The following TMPRSS4 variants were observed in gnomAD, a reference collection of about 807,000 sequenced individuals.
TMPRSS4 encodes transmembrane serine protease 4.
TMPRSS4 carries 45 observed loss-of-function variants against 56.4 expected under a neutral mutation model. The ratio of observed to expected loss-of-function variants is 0.80; its 90% CI spans 0.63 to 1.02. The LOEUF is 1.02. TMPRSS4 is among the 50% of genes least tolerant of loss of function. The pLI is 0.00. For missense variants in TMPRSS4, 546 were observed against 556.7 expected (o/e 0.98, Z 0.19); for synonymous variants, 205 against 211.0 (o/e 0.97, Z 0.25).
In TMPRSS4 at chr11:118,077,087, A is replaced by G. The variant is rs1442226640; in HGVS notation, c.-216A>G. 7.9e-5 allele frequency: 43 copies of G among 542,592 alleles called. No individual in the cohort carries two copies. Among genetic ancestry groups the G allele is most frequent in the Non-Finnish European group, 2.6e-5 (8 of 305,982 alleles). 33.6% of individuals were successfully genotyped at this position (542,592 alleles called of 1,614,324 possible). A position where few individuals can be genotyped will look rare whatever the true frequency, so the allele number is the denominator to read the frequency against. On this transcript the variant is annotated 5_prime_UTR_variant, in exon 1 of 13. Coordinates refer to ENST00000437212, the MANE Select transcript of TMPRSS4 (RefSeq NM_019894.4). ...CCAAAGTCCCCCAATCACTCCTGGAATACACAGAGAGAGGCAGCAGCTTGC... is the reference window on the plus strand; with the variant it reads ...CCAAAGTCCCCCAATCACTCCTGGAGTACACAGAGAGAGGCAGCAGCTTGC...
chr11:118,096,340 C>T (rs575239305), intron 2 of TMPRSS4, among the ~76,000 whole-genome samples: 2 of 152,214 alleles, frequency 1.3e-5, no homozygotes, highest in Admixed American at 1.3e-4. Context: ...CCTAAGCTTT[C>T]CTTTGTTAAC....
At chr11:118,113,632 A>G (rs1947397823) in intron 9 of TMPRSS4, among the ~76,000 whole-genome samples, 197 bp downstream of exon 9, 1 of 152,108 alleles carries the variant, frequency 6.6e-6, no homozygotes, top group Admixed American at 6.5e-5. Flanking sequence ...CCTCCACTCC[A>G]TTCCCTGCCA....
At chr11:118,096,085 T>G (rs1249372763) in intron 2 of TMPRSS4, among the ~76,000 whole-genome samples, 1 of 152,180 alleles carries the variant, frequency 6.6e-6, no homozygotes, top group Non-Finnish European at 1.5e-5. Flanking sequence ...TTCCCAGAGG[T>G]AGATGCTCAA....
At chr11:118,079,913 G>C (rs977506645) in intron 1 of TMPRSS4, among the ~76,000 whole-genome samples, 5 of 152,200 alleles carry the variant, frequency 3.3e-5, no homozygotes, top group Non-Finnish European at 5.9e-5. Context: ...AGGTCCTAAA[G>C]GGCAAGACAG....
In TMPRSS4 at chr11:118,096,854, A is replaced by G. The variant is rs368440508; in HGVS notation, c.43+1999A>G. Among the ~76,000 whole-genome samples, 18 of 24,448 alleles carry G rather than the reference A, an allele frequency of 7.4e-4. 3 individuals are homozygous for G. Among genetic ancestry groups the G allele is most frequent in the African/African-American group, 3.3e-3 (17 of 5,156 alleles). 16.0% of individuals were successfully genotyped at this position (24,448 alleles called of 152,430 possible). A position where few individuals can be genotyped will look rare whatever the true frequency, so the allele number is the denominator to read the frequency against. The stretch of plus-strand genomic sequence containing the variant: ...AAGAAAGAAGGAAAGAAGGAAAGAA[A>G]GAAAGAAAGAAAGAAAGAAAGAAAG... On this transcript the variant is annotated intron_variant, in intron 2 of 12. Coordinates refer to ENST00000437212, the MANE Select transcript of TMPRSS4 (RefSeq NM_019894.4).
At chr11:118,125,408 C>T (rs568908422), downstream of TMPRSS4, 16 of 454,674 alleles carry the variant, frequency 3.5e-5, no homozygotes, top group East Asian at 1.0e-3. Flanking sequence ...GCCTGACCAC[C>T]TGTGTTTGCT....
At chr11:118,088,890 T>C (rs1165212807) in intron 1 of TMPRSS4, among the ~76,000 whole-genome samples, 1 of 152,234 alleles carries the variant, frequency 6.6e-6, no homozygotes, top group Non-Finnish European at 1.5e-5. Context: ...GACCTCTGTT[T>C]TCTCATCTGA....
At chr11:118,077,430 G>C in intron 1 of TMPRSS4, 125 bp downstream of exon 1, 1 of 1,204,058 alleles carries the variant, frequency 8.3e-7, no homozygotes, top group Non-Finnish European at 1.1e-6. Context: ...AAAAAAAGAG[G>C]CCACACCCAA....
At chr11:118,085,693 A>G (rs1031912727) in intron 1 of TMPRSS4, among the ~76,000 whole-genome samples, 5 of 152,102 alleles carry the variant, frequency 3.3e-5, no homozygotes, top group Non-Finnish European at 7.4e-5. Flanking sequence ...GCCCTTCCCA[A>G]TGGCAAACCC....
chr11:118,106,676 G>A, intron 5 of TMPRSS4: 1 of 152,140 alleles, frequency 6.6e-6, no homozygotes, highest in East Asian at 1.9e-4. Context: ...TAGAGACCGA[G>A]TTTCACCATG....
intron 3 of TMPRSS4, among the ~76,000 whole-genome samples, chr11:118,101,039 G>T (rs1260352210): frequency 1.3e-5 from 2 of 152,136 alleles, no homozygotes; most frequent in Admixed American, 1.3e-4. Flanking sequence ...ACTCCAAAGA[G>T]CTAAGTAATA....
intron 7 of TMPRSS4, 79 bp downstream of exon 7, chr11:118,108,975 A>C: frequency 6.6e-7 from 1 of 1,504,736 alleles, no homozygotes; most frequent in East Asian, 2.3e-5. Flanking sequence ...TTCACTCCTA[A>C]ATTTCTGGGA....
At chr11:118,117,126 T>C (rs1947602723) in intron 11 of TMPRSS4, among the ~76,000 whole-genome samples, 179 bp from the exon 12 acceptor site, 1 of 152,172 alleles carries the variant, frequency 6.6e-6, no homozygotes, top group Non-Finnish European at 1.5e-5. Context: ...CAGACAAGCC[T>C]TTCTGCCCCA....
chr11:118,081,216 T>C (rs1003189364), intron 1 of TMPRSS4, among the ~76,000 whole-genome samples: 2 of 152,310 alleles, frequency 1.3e-5, no homozygotes, highest in East Asian at 1.9e-4. Flanking sequence ...CGAAGTCCAA[T>C]TGGAAAACAT....
At chr11:118,104,187 A>T (rs1946871861) in intron 4 of TMPRSS4, among the ~76,000 whole-genome samples, 1 of 152,174 alleles carries the variant, frequency 6.6e-6, no homozygotes, top group Non-Finnish European at 1.5e-5. Context: ...CTTTATCAGA[A>T]GTCAAATGCC....
At chr11:118,102,814 A>T (rs1436622245) in intron 3 of TMPRSS4, 2 of 381,608 alleles carry the variant, frequency 5.2e-6, no homozygotes, top group Non-Finnish European at 9.6e-6. Context: ...ATACTGAGCG[A>T]GCACTGGAGG....
At chr11:118,101,782 A>G (rs568849972) in intron 3 of TMPRSS4, among the ~76,000 whole-genome samples, 1 of 152,278 alleles carries the variant, frequency 6.6e-6, no homozygotes, top group South Asian at 2.1e-4. Flanking sequence ...CATGGCCAGA[A>G]AAAGTGTTAA....
At chr11:118,090,939 T>A (rs10450611) in intron 1 of TMPRSS4, among the ~76,000 whole-genome samples, 4,965 of 152,260 alleles carry the variant, frequency 0.033, 282 homozygotes, top group African/African-American at 0.11. Context: ...CTTCTAGCAC[T>A]ATTCCGGGTC....
At position 118,118,748 on chromosome 11, in the gene TMPRSS4, A is replaced by G. The variant is rs1947690827; in HGVS notation, c.*835A>G. On this transcript the variant is annotated 3_prime_UTR_variant, in exon 13 of 13. Transcript: ENST00000437212. Reference sequence around the variant, plus strand: ...GCCAGGGATAACCTATGACTTGGGAAAGAGATGAGTTAGGCAGTCAAGGGT... The same window carrying G: ...GCCAGGGATAACCTATGACTTGGGAGAGAGATGAGTTAGGCAGTCAAGGGT... 1 of 985,348 alleles carries G rather than the reference A, an allele frequency of 1.0e-6. No homozygotes were observed. Among genetic ancestry groups the G allele is most frequent in the South Asian group, 4.7e-5 (1 of 21,292 alleles). The allele number at this position is 985,348 out of a possible 1,614,324, so 61.0% of individuals were successfully genotyped here.
Sources: gnomAD v4.1 joint callset for allele counts (sites outside exome capture counted in the v4.1 genomes callset) on GRCh38, gnomAD v4.1.1 for gene constraint, MANE v1.5 for transcripts, NCBI Gene and HGNC (gene_info 2026-07-23, HGNC 2026-07-21) for gene names.